RNFT1: variants seen among roughly 807,000 people sequenced by gnomAD.
RNFT1 encodes the protein ring finger protein, transmembrane 1.
In RNFT1, 35 loss-of-function variants were observed where a neutral mutation model predicts 53.2. The observed-to-expected ratio is 0.66, with a 90% CI of 0.50 to 0.87. The LOEUF (loss-of-function observed/expected upper bound fraction) is 0.87. RNFT1 is among the 40% of genes least tolerant of loss of function. The pLI is 0.00. For missense variants in RNFT1, 421 were observed against 515.0 expected (o/e 0.82, Z 1.77); for synonymous variants, 141 against 172.8 (o/e 0.82, Z 1.44).
In RNFT1 at chr17:59,954,096, A is replaced by G; in HGVS notation, c.1122T>C (p.Ile374=). The G allele has an allele frequency of 6.2e-7, 1 of 1,603,800 alleles. No homozygotes were observed. The highest frequency in any genetic ancestry group is 8.5e-7 in the Non-Finnish European group (1 of 1,177,068). ...GAAATTCAGCTTGACATATTGAACAAATATCATCCACATCTGAACACTGTC... is the reference window on the plus strand; with the variant it reads ...GAAATTCAGCTTGACATATTGAACAGATATCATCCACATCTGAACACTGTC... ...SKRQCSDVDD[I]CSICQAEFQK... Residue 374 remains isoleucine, a synonymous_variant, in exon 8 of 9, where the codon ATT becomes ATC. Transcript: ENST00000305783.
Position 59,957,350 on chromosome 17 carries a change from A to G in RNFT1, c.879T>C (p.Cys293=). The change falls in exon 6 of 9, where the codon TGT becomes TGC. Residue 293 remains cysteine (C), a synonymous_variant. Coordinates refer to ENST00000305783, the MANE Select transcript of RNFT1 (RefSeq NM_016125.4). ...GYWYMLLEEL[C]QYYRTFVPIP... is the part of the protein sequence containing the mutation. ...TGGGAACAAAAGTTCGGTAGTATTG[A>G]CACAATTCTTCTAAAAGCATATACC... is the stretch of plus-strand genomic sequence containing the variant. 1.2e-6 allele frequency: 2 copies of G among 1,613,842 alleles called. No individual in the cohort carries two copies. Among genetic ancestry groups the G allele is most frequent in the South Asian group, 1.1e-5 (1 of 90,978 alleles).
At chr17:59,957,708 G>A (rs909012816) in intron 5 of RNFT1, among the ~76,000 whole-genome samples, 1 of 152,094 alleles carries the variant, frequency 6.6e-6, no homozygotes, top group Admixed American at 6.6e-5. Flanking sequence ...AACTGGGTGT[G>A]GTGGTGGGCA....
intron 4 of RNFT1, chr17:59,958,825 G>T: frequency 3.3e-6 from 1 of 300,568 alleles, no homozygotes; most frequent in South Asian, 2.7e-5. Context: ...CCCTCTGTAT[G>T]GCTAAATTTC....
chr17:59,962,617 C>T lies in RNFT1; in HGVS notation c.515-1G>A. The T allele has an allele frequency of 1.3e-6, 2 of 1,588,740 alleles. No individual in the cohort carries two copies. Among genetic ancestry groups the T allele is most frequent in the Non-Finnish European group, 1.7e-6 (2 of 1,170,320 alleles). On this transcript the variant is annotated splice_acceptor_variant, in intron 2 of 8. Transcript: ENST00000305783. LOFTEE classifies it high-confidence loss of function. ...AGCAGCCCAATTCCAAGAGAAATTC[C>T]TGTTAGAAAATAAGTTCCAGTTAAT...
chr17:59,958,706 A>C (rs1314282736), intron 4 of RNFT1: 2 of 514,010 alleles, frequency 3.9e-6, no homozygotes, highest in East Asian at 1.0e-4. Context: ...TCTAGCCTGT[A>C]AATGAAAAAA....
intron 3 of RNFT1, 128 bp downstream of exon 3, chr17:59,962,412 G>A (rs531454543): frequency 6.9e-6 from 4 of 581,542 alleles, no homozygotes; most frequent in African/African-American, 5.7e-5. Flanking sequence ...TTAACATAAC[G>A]TGGATGTTAC....
chr17:59,963,335 G>T, intron 1 of RNFT1, 51 bp from the exon 2 acceptor site: 1 of 1,475,546 alleles, frequency 6.8e-7, no homozygotes, highest in Non-Finnish European at 9.3e-7. Flanking sequence ...TTAAATACCA[G>T]CAGTATATTC....
intron 3 of RNFT1, among the ~76,000 whole-genome samples, chr17:59,961,659 C>G (rs2145119569): frequency 6.6e-6 from 1 of 152,100 alleles, no homozygotes; most frequent in East Asian, 1.9e-4. Context: ...TCACTGCAAC[C>G]TCTGCCTCCC....
chr17:59,956,659 A>G (rs1291326352), intron 6 of RNFT1, 106 bp from the exon 7 acceptor site: 5 of 741,812 alleles, frequency 6.7e-6, no homozygotes, highest in Non-Finnish European at 1.2e-5. Context: ...TATTAACTTA[A>G]TGTTCATTAT....
At chr17:59,954,481 G>C (rs1254138019) in intron 7 of RNFT1, among the ~76,000 whole-genome samples, 2 of 152,180 alleles carry the variant, frequency 1.3e-5, no homozygotes, top group African/African-American at 4.8e-5. Context: ...TGTATTATTT[G>C]ACCCAGGACT....
intron 1 of RNFT1, 64 bp from the exon 2 acceptor site, chr17:59,963,348 C>T: frequency 7.3e-7 from 1 of 1,365,380 alleles, no homozygotes; most frequent in Non-Finnish European, 1.0e-6. Flanking sequence ...GTATATTCCT[C>T]ACTGGGTATC....
intron 7 of RNFT1, among the ~76,000 whole-genome samples, chr17:59,955,947 A>G (rs1176591941): frequency 6.6e-6 from 1 of 152,204 alleles, no homozygotes; most frequent in Non-Finnish European, 1.5e-5. Context: ...AATGTTATAA[A>G]TGACACCAGA....
At chr17:59,964,549 G>A (rs1370683243) in intron 1 of RNFT1, 59 bp downstream of exon 1, 1 of 1,518,652 alleles carries the variant, frequency 6.6e-7, no homozygotes, top group South Asian at 1.2e-5. Context: ...TCTCCCCAGA[G>A]CCCCCTGCGC....
chr17:59,962,964 G>T lies in RNFT1; in HGVS notation c.377C>A (p.Thr126Asn). 6.2e-7 allele frequency: 1 copy of T among 1,614,264 alleles called. No individual in the cohort carries two copies. Among genetic ancestry groups the T allele is most frequent in the Non-Finnish European group, 8.5e-7 (1 of 1,180,054 alleles). The change falls in exon 2 of 9, where the codon ACT (threonine) becomes AAT (asparagine). Residue 126 changes from threonine to asparagine, a missense_variant. Physicochemically the swap from Thr to Asn is moderately conservative, Grantham distance 65. Coordinates refer to ENST00000305783, the MANE Select transcript of RNFT1 (RefSeq NM_016125.4). ...TCCAGATTCTGCGGCAGTATCATCA[G>T]TCAGCCTTGCTTCACTGTGGGAGTG... ...RGHSHSEARL[T>N]DDTAAESGDH...
intron 3 of RNFT1, among the ~76,000 whole-genome samples, chr17:59,961,910 G>T (rs1196936645): frequency 7.6e-5 from 10 of 131,568 alleles, no homozygotes; most frequent in African/African-American, 2.9e-4. Context: ...TTTTGAGATG[G>T]AGTCTCGTTC....
In RNFT1 at chr17:59,956,495, G is replaced by T. The variant is rs2045255101; in HGVS notation, c.1064C>A (p.Thr355Lys). ...TFRQVLRIFF[T>K]QPSYGVAASK... ...CTGATAAAAAGTACTTACTGGTTGT[G>T]TAAAAAATATTCGTAAAACCTGTCT... Residue 355 changes from threonine to lysine, a missense_variant, in exon 7 of 9, where the codon ACA becomes AAA. Thr to Lys is a moderately conservative substitution (Grantham distance 78). Coordinates refer to ENST00000305783, the MANE Select transcript of RNFT1 (RefSeq NM_016125.4). 2 of 1,611,050 alleles carry T rather than the reference G, an allele frequency of 1.2e-6. No homozygotes were observed. The highest frequency in any genetic ancestry group is 1.7e-6 in the Non-Finnish European group (2 of 1,178,204).
At chr17:59,957,444 A>AT in intron 5 of RNFT1, 62 bp from the exon 6 acceptor site, 1 of 1,208,170 alleles carries the variant, frequency 8.3e-7, no homozygotes, top group Non-Finnish European at 1.2e-6. Flanking sequence ...AGCACAAACA[A>AT]TATTAGACTG....
intron 8 of RNFT1, 58 bp from the exon 9 acceptor site, chr17:59,953,169 T>G: frequency 1.4e-6 from 2 of 1,380,164 alleles, no homozygotes; most frequent in Non-Finnish European, 1.0e-6. Flanking sequence ...ATCCATCACA[T>G]TGTAGGGAAT....
chr17:59,956,499 A>G lies in RNFT1; in HGVS notation c.1060T>C (p.Phe354Leu), dbSNP rs1166800965. The change falls in exon 7 of 9, where the codon TTT becomes CTT. Residue 354 changes from phenylalanine (F) to leucine (L), a missense_variant. Physicochemically the swap from Phe to Leu is conservative, Grantham distance 22. Coordinates refer to ENST00000305783, the MANE Select transcript of RNFT1 (RefSeq NM_016125.4). ...RTFRQVLRIF[F>L]TQPSYGVAAS... ...TAAAAAGTACTTACTGGTTGTGTAAAAAATATTCGTAAAACCTGTCTGAAA... is the reference window on the plus strand; with the variant it reads ...TAAAAAGTACTTACTGGTTGTGTAAGAAATATTCGTAAAACCTGTCTGAAA... The G allele has an allele frequency of 6.2e-7, 1 of 1,611,976 alleles. No individual in the cohort carries two copies. The highest frequency in any genetic ancestry group is 2.2e-5 in the East Asian group (1 of 44,724).
Sources: gnomAD v4.1 joint callset for allele counts (sites outside exome capture counted in the v4.1 genomes callset) on GRCh38, gnomAD v4.1.1 for gene constraint, MANE v1.5 for transcripts, NCBI Gene and HGNC (gene_info 2026-07-23, HGNC 2026-07-21) for gene names.